The following CNTN5 variants were observed in gnomAD, a reference collection of about 807,000 sequenced individuals.
CNTN5 encodes contactin 5, also known as contactin-5.
Under a neutral mutation model 129.1 loss-of-function variants are expected in CNTN5, and 77 were observed. The observed-to-expected ratio is 0.60, with a 90% CI of 0.50 to 0.72. CNTN5 has a LOEUF of 0.72. CNTN5 is among the 30% of genes least tolerant of loss of function. The pLI is 0.00. For missense variants in CNTN5, 1,478 were observed against 1,328.8 expected (o/e 1.11, Z -1.75); for synonymous variants, 509 against 465.6 (o/e 1.09, Z -1.20).
chr11:100,061,768 T>C (rs1335232676), intron 10 of CNTN5, among the ~76,000 whole-genome samples: 2 of 152,148 alleles, frequency 1.3e-5, no homozygotes, highest in Non-Finnish European at 2.9e-5. Flanking sequence ...CCTGCCCAGG[T>C]GCCATTTTTT....
intron 3 of CNTN5, among the ~76,000 whole-genome samples, chr11:99,789,860 T>C (rs1256288855): frequency 2.6e-5 from 4 of 151,990 alleles, no homozygotes; most frequent in African/African-American, 4.8e-5. Flanking sequence ...TATGGTACAA[T>C]TGATCCCATC....
At chr11:99,385,571 T>C (rs1020565096) in intron 2 of CNTN5, among the ~76,000 whole-genome samples, 13 of 152,234 alleles carry the variant, frequency 8.5e-5, no homozygotes, top group African/African-American at 3.1e-4. Flanking sequence ...CAATAAAGTA[T>C]GACATAGTAG....
At chr11:100,165,991 C>T (rs966212939) in intron 13 of CNTN5, among the ~76,000 whole-genome samples, 22 of 151,662 alleles carry the variant, frequency 1.5e-4, no homozygotes, top group African/African-American at 5.3e-4. Context: ...CACTATGATA[C>T]TCTGTCTCAT....
At chr11:99,878,266 C>T (rs924900084) in intron 6 of CNTN5, among the ~76,000 whole-genome samples, 1 of 152,090 alleles carries the variant, frequency 6.6e-6, no homozygotes, top group Non-Finnish European at 1.5e-5. Flanking sequence ...CCATTCTTAC[C>T]TTCTTTTTGC....
At chr11:99,274,674 T>C (rs549707369) in intron 1 of CNTN5, among the ~76,000 whole-genome samples, 4 of 151,700 alleles carry the variant, frequency 2.6e-5, no homozygotes, top group South Asian at 2.1e-4. Flanking sequence ...ACTATATATA[T>C]ATATGAATGC....
chr11:99,375,914 T>A (rs977519903), intron 2 of CNTN5, among the ~76,000 whole-genome samples: 1 of 152,164 alleles, frequency 6.6e-6, no homozygotes, highest in African/African-American at 2.4e-5. Context: ...TTAAAAATTA[T>A]AACCATATTT....
intron 3 of CNTN5, among the ~76,000 whole-genome samples, chr11:99,660,414 T>C (rs73551436): frequency 0.027 from 4,054 of 152,232 alleles, 192 homozygotes; most frequent in African/African-American, 0.092. Context: ...ATTGTGGTGA[T>C]GGTTTCACAG....
At chr11:99,274,637 A>C (rs982445629) in intron 1 of CNTN5, among the ~76,000 whole-genome samples, 2 of 151,576 alleles carry the variant, frequency 1.3e-5, no homozygotes, top group African/African-American at 4.8e-5. Context: ...TATCAATAAA[A>C]ACTACTATAT....
chr11:99,162,312 C>G (rs1860658043), intron 1 of CNTN5, among the ~76,000 whole-genome samples: 1 of 151,808 alleles, frequency 6.6e-6, no homozygotes, highest in African/African-American at 2.4e-5. Flanking sequence ...AGAAGAGAGC[C>G]TTTGTAGAAA....
chr11:99,772,310 G>A (rs1034113561), intron 3 of CNTN5, among the ~76,000 whole-genome samples: 1 of 151,974 alleles, frequency 6.6e-6, no homozygotes, highest in Non-Finnish European at 1.5e-5. Context: ...TGTGATACAG[G>A]TTAAGTCCGG....
chr11:99,983,233 T>A (rs1477853785), intron 8 of CNTN5, among the ~76,000 whole-genome samples: 2 of 152,204 alleles, frequency 1.3e-5, no homozygotes, highest in Non-Finnish European at 2.9e-5. Context: ...AGTATGGTTT[T>A]AAAAGCTGAA....
intron 13 of CNTN5, among the ~76,000 whole-genome samples, chr11:100,183,547 G>C (rs928223829): frequency 6.6e-6 from 1 of 151,930 alleles, no homozygotes; most frequent in Non-Finnish European, 1.5e-5. Context: ...CTAGAAAAAT[G>C]CAAACTAGAA....
At chr11:99,071,490 C>A (rs1331980369) in intron 1 of CNTN5, among the ~76,000 whole-genome samples, 1 of 151,872 alleles carries the variant, frequency 6.6e-6, no homozygotes, top group Admixed American at 6.6e-5. Context: ...GAATTTTGCA[C>A]GTAATATATG....
In CNTN5 at chr11:99,290,110, C is replaced by G. The variant is rs181845647; in HGVS notation, c.-209-35236C>G. Among the ~76,000 whole-genome samples, 4 of 151,618 alleles carry G rather than the reference C, an allele frequency of 2.6e-5. No homozygotes were observed. In the East Asian group the frequency reaches 7.7e-4, roughly 29 times the overall value. ...CTGTCCTTCTTATTTAAAATTATAA[C>G]CCCCCCAAAATAAAATAAACTTAGG... On this transcript the variant is annotated intron_variant, in intron 1 of 24. Coordinates refer to ENST00000524871, the MANE Select transcript of CNTN5 (RefSeq NM_014361.4).
intron 3 of CNTN5, among the ~76,000 whole-genome samples, chr11:99,565,721 G>A (rs534582216): frequency 7.9e-5 from 12 of 152,220 alleles, no homozygotes; most frequent in African/African-American, 2.6e-4. Context: ...GAGTATATAC[G>A]ATTGTGAACC....
chr11:99,344,201 C>A (rs1479179412), intron 2 of CNTN5, among the ~76,000 whole-genome samples: 1 of 152,124 alleles, frequency 6.6e-6, no homozygotes, highest in Non-Finnish European at 1.5e-5. Flanking sequence ...ATTTTGTCCA[C>A]CGATAGATCG....
At chr11:99,407,636 C>A (rs1942138741) in intron 2 of CNTN5, among the ~76,000 whole-genome samples, 1 of 152,310 alleles carries the variant, frequency 6.6e-6, no homozygotes, top group Admixed American at 6.5e-5. Flanking sequence ...TAGGACTCAC[C>A]TAGGTGTTAC....
chr11:99,186,025 C>G (rs981725525), intron 1 of CNTN5, among the ~76,000 whole-genome samples: 1 of 151,624 alleles, frequency 6.6e-6, no homozygotes, highest in African/African-American at 2.4e-5. Flanking sequence ...ATGAATATAT[C>G]AAAAATAGCT....
intron 13 of CNTN5, among the ~76,000 whole-genome samples, chr11:100,111,618 A>C (rs1375652112): frequency 6.6e-6 from 1 of 152,176 alleles, no homozygotes; most frequent in Non-Finnish European, 1.5e-5. Flanking sequence ...TTTGCTTATG[A>C]ATTAATTTTT....
Sources: gnomAD v4.1 joint callset for allele counts (sites outside exome capture counted in the v4.1 genomes callset) on GRCh38, gnomAD v4.1.1 for gene constraint, MANE v1.5 for transcripts, NCBI Gene and HGNC (gene_info 2026-07-23, HGNC 2026-07-21) for gene names.